Variants in CDH13 observed in about 807,000 individuals in gnomAD.
The protein encoded by CDH13 is cadherin-13.
CDH13 carries 24 observed loss-of-function variants against 63.8 expected under a neutral mutation model. That is an observed-to-expected ratio of 0.38 (90% CI 0.27 to 0.53). The LOEUF is 0.53. Ranked by LOEUF, CDH13 falls within the 20% of genes least tolerant of loss-of-function variation. The probability of loss-of-function intolerance (pLI) is 0.85; values close to 1 mark genes in which losing one functional copy is unlikely to be tolerated. For synonymous variants in CDH13, 503 were observed against 355.3 expected (o/e 1.42, Z -4.67); for missense variants, 1,049 against 903.1 (o/e 1.16, Z -2.07).
At chr16:83,369,556 C>G (rs539440051) in intron 6 of CDH13, among the ~76,000 whole-genome samples, 3 of 152,108 alleles carry the variant, frequency 2.0e-5, no homozygotes, top group African/African-American at 4.8e-5. Flanking sequence ...GCAGCTAGGA[C>G]TACAGGTGTG....
At chr16:83,034,080 A>G (rs561002515) in intron 3 of CDH13, among the ~76,000 whole-genome samples, 37 of 152,216 alleles carry the variant, frequency 2.4e-4, no homozygotes, top group African/African-American at 8.7e-4. Context: ...TGTGATCTTG[A>G]GAGCATCATA....
intron 2 of CDH13, among the ~76,000 whole-genome samples, chr16:83,004,257 G>C (rs745947640): frequency 1.3e-5 from 2 of 152,132 alleles, no homozygotes; most frequent in Admixed American, 6.5e-5. Flanking sequence ...CAGGAGGAAA[G>C]GGTCATAGAA....
At chr16:82,755,958 T>C (rs746430305) in intron 1 of CDH13, among the ~76,000 whole-genome samples, 13 of 152,210 alleles carry the variant, frequency 8.5e-5, no homozygotes, top group Non-Finnish European at 1.6e-4. Context: ...ACATGTTGGA[T>C]TGCTTCTGCC....
At chr16:82,884,194 A>G (rs1422661343) in intron 2 of CDH13, 1 of 455,924 alleles carries the variant, frequency 2.2e-6, no homozygotes, top group South Asian at 1.5e-5. Context: ...GATGTATTCT[A>G]CTAGCTGACA....
intron 11 of CDH13, among the ~76,000 whole-genome samples, chr16:83,749,690 T>A (rs1645842): frequency 0.24 from 36,558 of 152,058 alleles, 4,984 homozygotes; most frequent in Non-Finnish European, 0.32. Flanking sequence ...TGCTTGGTCC[T>A]GGAGACTCAT....
chr16:83,134,546 A>AGAGG (rs2036194435), intron 4 of CDH13, among the ~76,000 whole-genome samples: 2 of 13,762 alleles, frequency 1.5e-4, no homozygotes, highest in Non-Finnish European at 3.6e-4. Context: ...GGGTGGGGGG[A>AGAGG]GAGAGAGAGA....
intron 11 of CDH13, among the ~76,000 whole-genome samples, chr16:83,764,310 G>A (rs993633890): frequency 6.6e-6 from 1 of 152,184 alleles, no homozygotes; most frequent in South Asian, 2.1e-4. Context: ...GTCCTTGGAC[G>A]TTGGCATCAA....
intron 7 of CDH13, among the ~76,000 whole-genome samples, chr16:83,509,702 A>G (rs1197226625): frequency 1.3e-5 from 2 of 152,228 alleles, no homozygotes; most frequent in South Asian, 2.1e-4. Context: ...TTGATTTACC[A>G]AAAAGTCCTT....
intron 3 of CDH13, among the ~76,000 whole-genome samples, chr16:83,068,172 C>T (rs965055480): frequency 4.6e-5 from 7 of 152,232 alleles, no homozygotes; most frequent in Non-Finnish European, 1.0e-4. Flanking sequence ...CAGATGCCAA[C>T]TTCCAATGAA....
At chr16:83,579,553 G>A (rs1905355807) in intron 7 of CDH13, among the ~76,000 whole-genome samples, 1 of 151,970 alleles carries the variant, frequency 6.6e-6, no homozygotes, top group Non-Finnish European at 1.5e-5. Context: ...CCAGCAAGGG[G>A]GAAATCCACC....
At chr16:83,589,126 C>A (rs1026811634) in intron 7 of CDH13, among the ~76,000 whole-genome samples, 1 of 152,116 alleles carries the variant, frequency 6.6e-6, no homozygotes, top group Admixed American at 6.5e-5. Context: ...AATCCATTTT[C>A]TTGCTTTTTC....
chr16:83,503,497 G>A (rs1179989829), intron 7 of CDH13, among the ~76,000 whole-genome samples: 1 of 152,204 alleles, frequency 6.6e-6, no homozygotes, highest in East Asian at 1.9e-4. Flanking sequence ...GAGAGGGAAA[G>A]GAGGAAAGGA....
At chr16:83,738,636 G>C (rs930080241) in intron 10 of CDH13, among the ~76,000 whole-genome samples, 4 of 152,140 alleles carry the variant, frequency 2.6e-5, no homozygotes. Context: ...GGCCAGGTGT[G>C]GTGGCTCAAG....
chr16:83,021,340 T>C (rs1193271971), intron 2 of CDH13, among the ~76,000 whole-genome samples: 1 of 152,196 alleles, frequency 6.6e-6, no homozygotes, highest in African/African-American at 2.4e-5. Context: ...AAACACAAAT[T>C]CGTAGTGATT....
At chr16:82,662,877 C>A (rs1051919703) in intron 1 of CDH13, among the ~76,000 whole-genome samples, 5 of 148,204 alleles carry the variant, frequency 3.4e-5, no homozygotes, top group African/African-American at 1.2e-4. Context: ...CTTGCGTGGG[C>A]ATGCCTGTGT....
At chr16:82,951,569 G>A (rs1250424073) in intron 2 of CDH13, among the ~76,000 whole-genome samples, 1 of 152,128 alleles carries the variant, frequency 6.6e-6, no homozygotes, top group Non-Finnish European at 1.5e-5. Flanking sequence ...TCAGTCCATG[G>A]CAATGAGTCC....
At chr16:82,958,245 G>A (rs892324270) in intron 2 of CDH13, among the ~76,000 whole-genome samples, 39 of 152,256 alleles carry the variant, frequency 2.6e-4, no homozygotes, top group African/African-American at 8.7e-4. Flanking sequence ...AATTGTCCTC[G>A]GAGGAATAGC....
intron 2 of CDH13, among the ~76,000 whole-genome samples, chr16:83,007,327 C>T (rs1017399098): frequency 1.3e-5 from 2 of 152,194 alleles, no homozygotes; most frequent in Non-Finnish European, 2.9e-5. Flanking sequence ...GTAGTCTTCA[C>T]TATAATCCAT....
intron 4 of CDH13, among the ~76,000 whole-genome samples, chr16:83,168,386 CAT>C (rs2037777060): frequency 6.6e-6 from 1 of 151,786 alleles, no homozygotes. Flanking sequence ...TATACACACA[CAT>C]ATATTTACGA....
Sources: gnomAD v4.1 joint callset for allele counts (sites outside exome capture counted in the v4.1 genomes callset) on GRCh38, gnomAD v4.1.1 for gene constraint, MANE v1.5 for transcripts, NCBI Gene and HGNC (gene_info 2026-07-23, HGNC 2026-07-21) for gene names.